The following ANO3 variants were observed in gnomAD, a reference collection of about 807,000 sequenced individuals.
ANO3 encodes the protein anoctamin 3.
A neutral mutation model predicts 144.8 loss-of-function variants in ANO3; 99 were observed. That is an observed-to-expected ratio of 0.68 (90% CI 0.58 to 0.81). The LOEUF is 0.81. Ranked by LOEUF, ANO3 falls within the 30% of genes least tolerant of loss-of-function variation. ANO3 has a pLI of 0.00. For synonymous variants in ANO3, 414 were observed against 392.6 expected (o/e 1.05, Z -0.64); for missense variants, 905 against 1,202.2 (o/e 0.75, Z 3.66).
intron 18 of ANO3, among the ~76,000 whole-genome samples, chr11:26,632,054 T>C (rs1202933379): frequency 1.3e-5 from 2 of 151,874 alleles, no homozygotes; most frequent in East Asian, 3.9e-4. Flanking sequence ...TAGCCAAGCA[T>C]GGTGTCGGGC....
intron 18 of ANO3, among the ~76,000 whole-genome samples, chr11:26,630,418 C>T (rs1306055723): frequency 6.6e-6 from 1 of 152,182 alleles, no homozygotes; most frequent in East Asian, 1.9e-4. Context: ...ATTATTGTCA[C>T]TTGACATTAA....
At chr11:26,506,959 A>G (rs186600604) in intron 4 of ANO3, among the ~76,000 whole-genome samples, 3,360 of 152,310 alleles carry the variant, frequency 0.022, 62 homozygotes, top group Non-Finnish European at 0.035. Context: ...CTCCCCAGAC[A>G]TTGGAAAGCA....
At chr11:26,450,104 A>G (rs1590369116) in intron 3 of ANO3, among the ~76,000 whole-genome samples, 1 of 152,068 alleles carries the variant, frequency 6.6e-6, no homozygotes, top group African/African-American at 2.4e-5. Flanking sequence ...TCCCTAATAC[A>G]TAGTTGTTTA....
At chr11:26,419,693 G>C (rs1032775361) in intron 1 of ANO3, among the ~76,000 whole-genome samples, 2 of 151,932 alleles carry the variant, frequency 1.3e-5, no homozygotes, top group African/African-American at 4.8e-5. Flanking sequence ...ATAAATGAAT[G>C]GAAACATAAT....
chr11:26,349,694 G>C (rs1056662908), intron 1 of ANO3, among the ~76,000 whole-genome samples: 9 of 151,966 alleles, frequency 5.9e-5, no homozygotes, highest in East Asian at 1.9e-4. Context: ...GACCTCAGGC[G>C]CCCGCCACCG....
chr11:26,452,677 C>A (rs369671941), intron 3 of ANO3, among the ~76,000 whole-genome samples: 7 of 152,162 alleles, frequency 4.6e-5, no homozygotes, highest in African/African-American at 1.2e-4. Context: ...TCCAGGAGAA[C>A]TTCCCCAATC....
intron 1 of ANO3, among the ~76,000 whole-genome samples, chr11:26,246,154 C>A (rs150159944): frequency 6.6e-6 from 1 of 151,946 alleles, no homozygotes; most frequent in African/African-American, 2.4e-5. Context: ...GTCAAAGCAC[C>A]GTATTTGTGG....
Position 26,502,898 on chromosome 11 carries a change from G to A in ANO3, c.433-5206G>A, listed in dbSNP as rs543287414. Among the ~76,000 whole-genome samples the A allele has an allele frequency of 1.5e-4, 22 of 149,780 alleles. No homozygotes were observed. In the South Asian group the frequency reaches 3.4e-3, roughly 23 times the overall value. ...ACCTTCACCAAGACAAGCAGTTACT[G>A]CTCTAATCTTATTTAAAGAGTACCC... On this transcript the variant is annotated intron_variant, in intron 4 of 26. Coordinates refer to ENST00000256737, the MANE Select transcript of ANO3 (RefSeq NM_031418.4).
intron 1 of ANO3, among the ~76,000 whole-genome samples, chr11:26,298,189 G>A (rs1001522759): frequency 2.6e-5 from 4 of 152,092 alleles, no homozygotes; most frequent in African/African-American, 9.7e-5. Flanking sequence ...GTAGCCAAAG[G>A]AGCTTGCCCA....
intron 1 of ANO3, among the ~76,000 whole-genome samples, chr11:26,297,604 G>T (rs1854123141): frequency 6.6e-6 from 1 of 152,060 alleles, no homozygotes; most frequent in Non-Finnish European, 1.5e-5. Flanking sequence ...ATAAAAGACT[G>T]GTCATTTTCC....
intron 19 of ANO3, 144 bp downstream of exon 19, chr11:26,634,459 A>G (rs1000470056): frequency 5.2e-6 from 3 of 575,664 alleles, no homozygotes; most frequent in South Asian, 2.4e-5. Flanking sequence ...TATTTGCTGC[A>G]TTTGAGCTGA....
Position 26,332,186 on chromosome 11 carries a change from C to T in ANO3, c.-90C>T. Reference sequence around the variant, plus strand: ...GGATTGCAGTGCGCTCGCTGAGGCTCCGGACCTTGGAGCGTCTAGAGTCTG... The same window carrying T: ...GGATTGCAGTGCGCTCGCTGAGGCTTCGGACCTTGGAGCGTCTAGAGTCTG... On this transcript the variant is annotated 5_prime_UTR_variant, in exon 1 of 27. Transcript: ENST00000256737. 1.9e-6 allele frequency: 3 copies of T among 1,611,776 alleles called. No individual in the cohort carries two copies. Among genetic ancestry groups the T allele is most frequent in the East Asian group, 2.2e-5 (1 of 44,850 alleles).
intron 1 of ANO3, among the ~76,000 whole-genome samples, chr11:26,336,538 G>T (rs1855197958): frequency 6.6e-6 from 1 of 152,038 alleles, no homozygotes; most frequent in Non-Finnish European, 1.5e-5. Flanking sequence ...TAAATTTGTT[G>T]CTATTGCAAG....
At chr11:26,587,456 T>C (rs1018193511) in intron 14 of ANO3, among the ~76,000 whole-genome samples, 6 of 152,202 alleles carry the variant, frequency 3.9e-5, no homozygotes, top group Non-Finnish European at 7.3e-5. Context: ...TTTCCAAGGC[T>C]GGTTAATGCA....
At position 26,516,772 on chromosome 11, in the gene ANO3, T is replaced by C. The variant is rs1262574028; in HGVS notation, c.592-55T>C. Reference sequence around the variant, plus strand: ...TTTATTCCCAAATCAAACTGTGGCATGATATCATCAGCTCTGATTCTAAAT... The same window carrying C: ...TTTATTCCCAAATCAAACTGTGGCACGATATCATCAGCTCTGATTCTAAAT... On this transcript the variant is annotated intron_variant, in intron 5 of 26. Transcript: ENST00000256737. 21 of 1,235,562 alleles carry C rather than the reference T, an allele frequency of 1.7e-5. No individual in the cohort carries two copies. The African/African-American group carries it at 2.9e-4, about 17-fold the overall frequency. 76.5% of individuals were successfully genotyped at this position (1,235,562 alleles called of 1,614,324 possible).
intron 1 of ANO3, among the ~76,000 whole-genome samples, chr11:26,342,326 G>A (rs1341205310): frequency 6.6e-6 from 1 of 152,202 alleles, no homozygotes; most frequent in African/African-American, 2.4e-5. Flanking sequence ...AAAATGTAAT[G>A]ATATTAAGAG....
chr11:26,378,155 C>A (rs549885756), intron 1 of ANO3, among the ~76,000 whole-genome samples: 1 of 151,618 alleles, frequency 6.6e-6, no homozygotes, highest in Non-Finnish European at 1.5e-5. Context: ...TAAATATAAA[C>A]AATAATGTAT....
chr11:26,534,683 G>A, intron 9 of ANO3, 121 bp downstream of exon 9: 1 of 604,942 alleles, frequency 1.7e-6, no homozygotes, highest in Non-Finnish European at 2.9e-6. Context: ...ATAACATATT[G>A]AACACACACT....
chr11:26,307,961 T>G (rs934266450), upstream of ANO3, among the ~76,000 whole-genome samples: 2 of 152,104 alleles, frequency 1.3e-5, no homozygotes, highest in Non-Finnish European at 2.9e-5. Context: ...ACTCATTATT[T>G]CTCACACCTG....
Sources: gnomAD v4.1 joint callset for allele counts (sites outside exome capture counted in the v4.1 genomes callset) on GRCh38, gnomAD v4.1.1 for gene constraint, MANE v1.5 for transcripts, NCBI Gene and HGNC (gene_info 2026-07-23, HGNC 2026-07-21) for gene names.